RBFOX1: variants seen among roughly 807,000 people sequenced by gnomAD.
RBFOX1 encodes the protein RNA binding fox-1 homolog 1, also known as RNA binding protein fox-1 homolog 1.
RBFOX1 carries 8 observed loss-of-function variants against 57.7 expected under a neutral mutation model. That is an observed-to-expected ratio of 0.14 (90% CI 0.08 to 0.25). The LOEUF (loss-of-function observed/expected upper bound fraction) is 0.25, where lower values mean the gene tolerates loss of function less well. RBFOX1 is among the 10% of genes least tolerant of loss of function. The pLI, the probability that RBFOX1 is intolerant of heterozygous loss-of-function variation, is 1.00. For synonymous variants in RBFOX1, 326 were observed against 222.4 expected (o/e 1.47, Z -4.15); for missense variants, 611 against 548.5 (o/e 1.11, Z -1.14).
At chr16:5,856,112 G>A (rs1402751888) in intron 3 of RBFOX1, among the ~76,000 whole-genome samples, 3 of 122,730 alleles carry the variant, frequency 2.4e-5, no homozygotes, top group African/African-American at 9.1e-5. Flanking sequence ...TACTGAATTT[G>A]TATATTATTT....
chr16:7,173,845 G>A (rs79321207), intron 4 of RBFOX1, among the ~76,000 whole-genome samples: 75 of 152,232 alleles, frequency 4.9e-4, no homozygotes, highest in African/African-American at 1.8e-3. Flanking sequence ...ATACTGTGAC[G>A]TTGAATCATA....
At position 6,885,037 on chromosome 16, in the gene RBFOX1, C is replaced by T. The variant is rs1341064517; in HGVS notation, c.-15-167020C>T. On this transcript the variant is annotated intron_variant, in intron 3 of 15. Coordinates refer to ENST00000550418, the MANE Select transcript of RBFOX1 (RefSeq NM_018723.4). ...TTACTGTCATGTTTTAGAAAAGCAG[C>T]AAAACGTTTATTTAATATGAAATCT... Among the ~76,000 whole-genome samples the T allele has an allele frequency of 5.9e-5, 9 of 152,184 alleles. No homozygotes were observed. In the East Asian group the frequency reaches 1.5e-3, roughly 26 times the overall value.
In RBFOX1 at chr16:5,309,873, G is replaced by C. The variant is rs2064037029; in HGVS notation, c.219+69768G>C. Among the ~76,000 whole-genome samples, 2 of 152,178 alleles carry C rather than the reference G, an allele frequency of 1.3e-5. 1 individual carries two copies. Among genetic ancestry groups the C allele is most frequent in the South Asian group, 4.1e-4 (2 of 4,824 alleles). On this transcript the variant is annotated intron_variant, in intron 1 of 2. Transcript: ENST00000585867. ...GTTTCCCTGCCTGGCATTTTTAGAT[G>C]TATCACAGGCATTGTTCCTTGGGTC... is the stretch of plus-strand genomic sequence containing the variant.
At chr16:6,683,763 G>A (rs529848421) in intron 3 of RBFOX1, among the ~76,000 whole-genome samples, 126 of 152,284 alleles carry the variant, frequency 8.3e-4, no homozygotes, top group Middle Eastern at 3.4e-3. Flanking sequence ...CAGAGATGGA[G>A]CTTTGCGGTC....
chr16:5,894,446 T>C lies in RBFOX1; in HGVS notation c.351+27111T>C, dbSNP rs1443070140. 3.7e-4 allele frequency among the ~76,000 whole-genome samples: 56 copies of C among 152,158 alleles called. 1 individual carries two copies. Among genetic ancestry groups the C allele is most frequent in the Admixed American group, 3.5e-3 (54 of 15,298 alleles). On this transcript the variant is annotated intron_variant, in intron 4 of 19. Coordinates refer to the RBFOX1 transcript ENST00000641259. ...GTACCACTACACCTGGCTAATTTTT[T>C]GTATTTTTAGTAGAGATAGGGTTTT...
At chr16:6,944,574 A>T (rs952183906) in intron 3 of RBFOX1, among the ~76,000 whole-genome samples, 2 of 152,160 alleles carry the variant, frequency 1.3e-5, no homozygotes, top group African/African-American at 4.8e-5. Flanking sequence ...AAATGTGTAC[A>T]TTAAGAGACT....
At chr16:7,192,048 A>G (rs79654388) in intron 4 of RBFOX1, among the ~76,000 whole-genome samples, 17,656 of 152,202 alleles carry the variant, frequency 0.12, 1,309 homozygotes, top group African/African-American at 0.21. Context: ...TTTTTAATCT[A>G]TTGATGCCCT....
At chr16:6,827,080 G>A (rs987338553) in intron 3 of RBFOX1, among the ~76,000 whole-genome samples, 1 of 152,100 alleles carries the variant, frequency 6.6e-6, no homozygotes, top group African/African-American at 2.4e-5. Flanking sequence ...AGATTTCTTT[G>A]CACATACTTA....
intron 3 of RBFOX1, among the ~76,000 whole-genome samples, chr16:6,991,911 C>A (rs2091529230): frequency 6.6e-6 from 1 of 152,138 alleles, no homozygotes; most frequent in African/African-American, 2.4e-5. Flanking sequence ...TTAGATCCTA[C>A]CCACAGAGTT....
chr16:6,504,053 C>T (rs1306312407), intron 2 of RBFOX1, among the ~76,000 whole-genome samples: 1 of 152,180 alleles, frequency 6.6e-6, no homozygotes, highest in Non-Finnish European at 1.5e-5. Context: ...TGTTTCAGCA[C>T]CACTGATAAT....
intron 4 of RBFOX1, among the ~76,000 whole-genome samples, chr16:5,901,013 C>T (rs2058292876): frequency 6.6e-6 from 1 of 152,232 alleles, no homozygotes; most frequent in Admixed American, 6.5e-5. Context: ...TCTGCAATCA[C>T]TGCCTTTGGT....
chr16:6,703,235 C>T (rs1463866587), intron 3 of RBFOX1, among the ~76,000 whole-genome samples: 1 of 152,040 alleles, frequency 6.6e-6, no homozygotes, highest in African/African-American at 2.4e-5. Flanking sequence ...CTATTAATTA[C>T]TTATTATTAT....
intron 3 of RBFOX1, among the ~76,000 whole-genome samples, chr16:6,850,324 A>G (rs2093995846): frequency 1.3e-5 from 2 of 152,212 alleles, no homozygotes; most frequent in Non-Finnish European, 2.9e-5. Context: ...AGAATAAACT[A>G]CGTTGTTCTA....
chr16:6,342,073 G>A (rs1416545999), intron 2 of RBFOX1, among the ~76,000 whole-genome samples: 1 of 152,122 alleles, frequency 6.6e-6, no homozygotes, highest in African/African-American at 2.4e-5. Flanking sequence ...CCTAGCACAG[G>A]GCACAGTAAG....
intron 4 of RBFOX1, among the ~76,000 whole-genome samples, chr16:7,276,059 TAAAG>T (rs1297382264): frequency 6.6e-6 from 1 of 152,130 alleles, no homozygotes; most frequent in African/African-American, 2.4e-5. Flanking sequence ...GAAAAGGCAA[TAAAG>T]AAACTCCTAA....
intron 2 of RBFOX1, among the ~76,000 whole-genome samples, chr16:6,518,378 TC>T (rs368436672): frequency 3.6e-4 from 55 of 152,180 alleles, no homozygotes; most frequent in African/African-American, 1.2e-3. Context: ...TCTGTGGGTG[TC>T]AAGTTGGGGG....
chr16:7,520,359 T>C (rs2077272903), intron 5 of RBFOX1, among the ~76,000 whole-genome samples: 1 of 152,104 alleles, frequency 6.6e-6, no homozygotes, highest in Admixed American at 6.6e-5. Flanking sequence ...CCACCACCAT[T>C]ATCTAGTTTG....
chr16:7,041,637 C>T (rs1282389036), intron 3 of RBFOX1, among the ~76,000 whole-genome samples: 1 of 152,094 alleles, frequency 6.6e-6, no homozygotes, highest in Non-Finnish European at 1.5e-5. Context: ...TACCAATTTA[C>T]CACCCTTCTT....
intron 2 of RBFOX1, among the ~76,000 whole-genome samples, chr16:6,537,989 A>G (rs2096758756): frequency 2.6e-5 from 4 of 151,908 alleles, no homozygotes; most frequent in Non-Finnish European, 5.9e-5. Flanking sequence ...GATTAATTCT[A>G]TCTTTGTTTA....
Sources: gnomAD v4.1 joint callset for allele counts (sites outside exome capture counted in the v4.1 genomes callset) on GRCh38, gnomAD v4.1.1 for gene constraint, MANE v1.5 for transcripts, NCBI Gene and HGNC (gene_info 2026-07-23, HGNC 2026-07-21) for gene names.